LCLAT1: variants seen among roughly 807,000 people sequenced by gnomAD.
LCLAT1 encodes the protein 1-AGP acyltransferase 8.
In LCLAT1, 11 loss-of-function variants were observed where a neutral mutation model predicts 30.7. That is an observed-to-expected ratio of 0.36 (90% CI 0.23 to 0.59). The LOEUF is 0.59. Ranked by LOEUF, LCLAT1 falls within the 20% of genes least tolerant of loss-of-function variation. The pLI is 0.77. For synonymous variants in LCLAT1, 155 were observed against 151.3 expected, an observed-to-expected ratio of 1.02 and a Z score of -0.18; for missense variants, 402 against 458.6, an observed-to-expected ratio of 0.88 and a Z score of 1.13.
intron 5 of LCLAT1, chr2:30,607,051 G>C (rs1284072884): frequency 6.6e-6 from 1 of 152,072 alleles, no homozygotes; most frequent in East Asian, 1.9e-4. Flanking sequence ...TCTCACACCA[G>C]TCCAAATGGC....
chr2:30,475,450 A>G (rs1682999659), intron 1 of LCLAT1, among the ~76,000 whole-genome samples: 1 of 152,204 alleles, frequency 6.6e-6, no homozygotes, highest in Non-Finnish European at 1.5e-5. Flanking sequence ...AAAATTGCAT[A>G]CAATTATTGG....
chr2:30,500,629 T>G (rs1478995135), intron 1 of LCLAT1, among the ~76,000 whole-genome samples: 1 of 152,222 alleles, frequency 6.6e-6, no homozygotes, highest in African/African-American at 2.4e-5. Flanking sequence ...GGCTGAACCC[T>G]TGAATACATT....
chr2:30,556,707 A>G (rs530961662), intron 3 of LCLAT1, among the ~76,000 whole-genome samples: 10 of 152,056 alleles, frequency 6.6e-5, no homozygotes, highest in Non-Finnish European at 1.3e-4. Flanking sequence ...ATATTCCACA[A>G]TAAGATAAGA....
chr2:30,464,083 G>C (rs1010549507), intron 1 of LCLAT1, among the ~76,000 whole-genome samples: 1 of 152,130 alleles, frequency 6.6e-6, no homozygotes, highest in Admixed American at 6.5e-5. Flanking sequence ...CTTAGCAATT[G>C]TATGTTTGAG....
chr2:30,568,175 A>T lies in LCLAT1; in HGVS notation c.627A>T (p.Glu209Asp). The change falls in exon 5 of 6, where the codon GAA becomes GAT. Residue 209 changes from glutamate (E) to aspartate (D), a missense_variant and splice_region_variant. Coordinates refer to ENST00000379509, the MANE Select transcript of LCLAT1 (RefSeq NM_001002257.3). ...GFTFVVDRLR[E>D]GKNLDAVHDI... Reference sequence around the variant, plus strand: ...CTTTTGTGGTAGACCGTCTAAGAGAAGGTAAGCACCCATTTCAAAATGTAC... The same window carrying T: ...CTTTTGTGGTAGACCGTCTAAGAGATGGTAAGCACCCATTTCAAAATGTAC... 1 of 1,513,506 alleles carries T rather than the reference A, an allele frequency of 6.6e-7. No individual in the cohort carries two copies. Among genetic ancestry groups the T allele is most frequent in the Non-Finnish European group, 9.1e-7 (1 of 1,104,936 alleles). 93.8% of individuals were successfully genotyped at this position (1,513,506 alleles called of 1,614,324 possible).
chr2:30,470,915 CTT>C (rs35399245), intron 1 of LCLAT1, among the ~76,000 whole-genome samples: 26 of 135,728 alleles, frequency 1.9e-4, no homozygotes, highest in Non-Finnish European at 2.7e-4. Flanking sequence ...TTTATTCATT[CTT>C]TTTTTTTTTT....
At chr2:30,510,612 T>C (rs1684894957) in intron 1 of LCLAT1, among the ~76,000 whole-genome samples, 1 of 152,206 alleles carries the variant, frequency 6.6e-6, no homozygotes. Context: ...ATGTGGAATG[T>C]CATTTTCTCC....
rs1487070621 is a variant in LCLAT1, at chr2:30,496,142, C to T, written c.-4-29445C>T. On this transcript the variant is annotated intron_variant, in intron 1 of 5. Coordinates refer to ENST00000379509, the MANE Select transcript of LCLAT1 (RefSeq NM_001002257.3). The stretch of plus-strand genomic sequence containing the variant: ...AAGTGCTACATATTTTTATAAACAA[C>T]GAGATCTCATGAGAACTTACTCACT... Among the ~76,000 whole-genome samples the T allele has an allele frequency of 3.3e-5, 5 of 152,038 alleles. No individual in the cohort carries two copies. The South Asian group carries it at 6.2e-4, about 19-fold the overall frequency.
At chr2:30,487,853 TC>T (rs1683639510) in intron 1 of LCLAT1, among the ~76,000 whole-genome samples, 1 of 152,170 alleles carries the variant, frequency 6.6e-6, no homozygotes, top group African/African-American at 2.4e-5. Context: ...CACAGTCCTG[TC>T]TGAGAGAGTG....
intron 1 of LCLAT1, among the ~76,000 whole-genome samples, chr2:30,480,466 A>C (rs1683264298): frequency 6.6e-6 from 1 of 152,206 alleles, no homozygotes; most frequent in African/African-American, 2.4e-5. Flanking sequence ...AAGTGCTGGG[A>C]TTACAGGTTT....
At chr2:30,503,550 G>T (rs1684500065) in intron 1 of LCLAT1, among the ~76,000 whole-genome samples, 2 of 152,118 alleles carry the variant, frequency 1.3e-5, no homozygotes, top group African/African-American at 4.8e-5. Flanking sequence ...ACATAATAGA[G>T]TTCCACTTAG....
intron 3 of LCLAT1, among the ~76,000 whole-genome samples, chr2:30,547,571 C>A (rs1298832097): frequency 6.6e-6 from 1 of 152,034 alleles, no homozygotes; most frequent in Non-Finnish European, 1.5e-5. Flanking sequence ...GGGAAAGATA[C>A]TCCTCCTTAA....
chr2:30,523,208 G>A (rs578098490), intron 1 of LCLAT1, among the ~76,000 whole-genome samples: 1 of 151,756 alleles, frequency 6.6e-6, no homozygotes, highest in Non-Finnish European at 1.5e-5. Flanking sequence ...GGACTGGGGG[G>A]CGGGGTGGGT....
rs181015404 is a variant in LCLAT1, at chr2:30,578,275, T to G, written c.628+10099T>G. Among the ~76,000 whole-genome samples the G allele has an allele frequency of 3.4e-3, 514 of 152,292 alleles. 3 individuals are homozygous for G. The highest frequency in any genetic ancestry group is 3.8e-3 in the Non-Finnish European group (260 of 68,012). Reference sequence around the variant, plus strand: ...TTCCTATTGTATATTCATAGTTTATTTATGACTTAGATCTTCCTTGTTTTG... The same window carrying G: ...TTCCTATTGTATATTCATAGTTTATGTATGACTTAGATCTTCCTTGTTTTG... On this transcript the variant is annotated intron_variant, in intron 5 of 5. Coordinates refer to ENST00000379509, the MANE Select transcript of LCLAT1 (RefSeq NM_001002257.3).
chr2:30,467,311 T>C (rs2148284862), intron 1 of LCLAT1, among the ~76,000 whole-genome samples: 1 of 152,382 alleles, frequency 6.6e-6, no homozygotes, highest in South Asian at 2.1e-4. Flanking sequence ...GGTGTATATG[T>C]GCCACATTTT....
chr2:30,546,165 C>T (rs559378515), intron 3 of LCLAT1, among the ~76,000 whole-genome samples: 1 of 152,242 alleles, frequency 6.6e-6, no homozygotes, highest in East Asian at 1.9e-4. Context: ...TTCATCCATT[C>T]TCAGTTTTTC....
At chr2:30,477,925 A>G (rs1683128227) in intron 1 of LCLAT1, among the ~76,000 whole-genome samples, 1 of 152,036 alleles carries the variant, frequency 6.6e-6, no homozygotes, top group Non-Finnish European at 1.5e-5. Flanking sequence ...CTGTTTTTCT[A>G]ATTTCTCTCT....
At chr2:30,531,620 C>T (rs1397420895) in intron 2 of LCLAT1, among the ~76,000 whole-genome samples, 1 of 149,724 alleles carries the variant, frequency 6.7e-6, no homozygotes, top group Non-Finnish European at 1.5e-5. Context: ...CTTAATGGAC[C>T]TATGGGATAT....
chr2:30,456,277 TTCTGACTC>T (rs1325491356), intron 1 of LCLAT1, among the ~76,000 whole-genome samples: 1 of 152,120 alleles, frequency 6.6e-6, no homozygotes, highest in East Asian at 1.9e-4. Flanking sequence ...GAGGTGAAAG[TTCTGACTC>T]TCTGCTAGGC....
Sources: allele counts gnomAD v4.1 joint callset (sites outside exome capture counted in the v4.1 genomes callset), GRCh38; gene constraint gnomAD v4.1.1; transcripts MANE v1.5; gene names NCBI Gene and HGNC (gene_info 2026-07-23, HGNC 2026-07-21).